Variants in CYP7B1 observed in about 807,000 individuals in gnomAD.
The protein encoded by CYP7B1 is cytochrome P450 family 7 subfamily B member 1, also known as cytochrome P450 7B1.
In CYP7B1, 29 loss-of-function variants were observed where a neutral mutation model predicts 42.7. The ratio of observed to expected loss-of-function variants is 0.68; its 90% CI spans 0.51 to 0.93. The LOEUF is 0.93. Ranked by LOEUF, CYP7B1 falls within the 40% of genes least tolerant of loss-of-function variation. CYP7B1 has a pLI of 0.00. For missense variants in CYP7B1, 655 were observed against 600.5 expected (o/e 1.09, Z -0.95); for synonymous variants, 235 against 218.2 (o/e 1.08, Z -0.68).
chr8:64,753,128 A>C (rs1807754721), intron 1 of CYP7B1, among the ~76,000 whole-genome samples: 1 of 152,248 alleles, frequency 6.6e-6, no homozygotes, highest in African/African-American at 2.4e-5. Context: ...AAGTACAAGA[A>C]TACAATGGTT....
At chr8:64,673,368 C>G (rs1398500539) in intron 1 of CYP7B1, among the ~76,000 whole-genome samples, 2 of 152,126 alleles carry the variant, frequency 1.3e-5, no homozygotes, top group African/African-American at 4.8e-5. Context: ...TTGCCTCCAA[C>G]CCTTTTTGGT....
chr8:64,609,038 C>T (rs1805327289), intron 4 of CYP7B1, among the ~76,000 whole-genome samples: 1 of 152,152 alleles, frequency 6.6e-6, no homozygotes, highest in Admixed American at 6.5e-5. Context: ...AGGAACACAG[C>T]ACATGGACTT....
chr8:64,797,368 A>G (rs560702084), intron 1 of CYP7B1, among the ~76,000 whole-genome samples: 10 of 152,196 alleles, frequency 6.6e-5, no homozygotes, highest in Non-Finnish European at 1.3e-4. Context: ...GACCCTGCAA[A>G]TAGAGAAGGT....
chr8:64,606,562 C>T (rs1433666157), intron 4 of CYP7B1, among the ~76,000 whole-genome samples: 3 of 152,248 alleles, frequency 2.0e-5, no homozygotes, highest in Non-Finnish European at 4.4e-5. Context: ...ATGGTCAAAT[C>T]TGATTGGCTG....
intron 1 of CYP7B1, among the ~76,000 whole-genome samples, chr8:64,631,479 G>A (rs147796042): frequency 1.3e-5 from 2 of 152,248 alleles, no homozygotes; most frequent in African/African-American, 4.8e-5. Flanking sequence ...AAGAAAATAT[G>A]AGGAAAGAGC....
intron 1 of CYP7B1, among the ~76,000 whole-genome samples, chr8:64,737,759 A>G (rs1807510919): frequency 6.6e-6 from 1 of 151,482 alleles, no homozygotes; most frequent in African/African-American, 2.4e-5. Context: ...AAATTTTTCT[A>G]TTTTTTTTCT....
At chr8:64,764,229 G>GCCCCCCCCC (rs59605103) in intron 1 of CYP7B1, among the ~76,000 whole-genome samples, 1 of 125,148 alleles carries the variant, frequency 8.0e-6, no homozygotes, top group Non-Finnish European at 1.7e-5. Context: ...CTTCCACGCT[G>GCCCCCCCCC]CCCCCCCCAC....
At chr8:64,597,521 T>G (rs997615235) in intron 5 of CYP7B1, among the ~76,000 whole-genome samples, 1 of 152,238 alleles carries the variant, frequency 6.6e-6, no homozygotes, top group Non-Finnish European at 1.5e-5. Flanking sequence ...TAATCTTGTT[T>G]GTTTTTTGAT....
At chr8:64,662,843 G>C (rs1248181664) in intron 1 of CYP7B1, among the ~76,000 whole-genome samples, 1 of 152,110 alleles carries the variant, frequency 6.6e-6, no homozygotes, top group Non-Finnish European at 1.5e-5. Flanking sequence ...GGCAGAAATG[G>C]GATTCCAACC....
intron 1 of CYP7B1, among the ~76,000 whole-genome samples, chr8:64,714,482 A>G (rs1191742368): frequency 6.6e-6 from 1 of 152,200 alleles, no homozygotes; most frequent in Non-Finnish European, 1.5e-5. Flanking sequence ...CCATATTTTA[A>G]AAGAAAACTA....
chr8:64,767,066 C>A (rs776304889), intron 1 of CYP7B1, among the ~76,000 whole-genome samples: 24 of 152,214 alleles, frequency 1.6e-4, no homozygotes, highest in Non-Finnish European at 2.8e-4. Context: ...GAAAGCCTCA[C>A]TCCTTTGTTA....
chr8:64,605,037 G>A (rs182197800), intron 4 of CYP7B1, among the ~76,000 whole-genome samples, 180 bp from the exon 5 acceptor site: 5 of 152,276 alleles, frequency 3.3e-5, no homozygotes, highest in East Asian at 3.9e-4. Context: ...GAGCAGGGGC[G>A]GTGGTCTGGC....
chr8:64,657,986 G>GGCC (rs1314076213), intron 1 of CYP7B1, among the ~76,000 whole-genome samples: 2 of 152,066 alleles, frequency 1.3e-5, no homozygotes, highest in African/African-American at 2.4e-5. Context: ...ATCGTGTAAG[G>GGCC]GCCTACTTTC....
At chr8:64,772,085 G>A (rs1044846398) in intron 1 of CYP7B1, among the ~76,000 whole-genome samples, 2 of 152,168 alleles carry the variant, frequency 1.3e-5, no homozygotes, top group African/African-American at 4.8e-5. Flanking sequence ...GAAGCAATCT[G>A]AAGAGAATTT....
At chr8:64,588,504 T>G (rs777638752), downstream of CYP7B1, among the ~76,000 whole-genome samples, 1 of 152,240 alleles carries the variant, frequency 6.6e-6, no homozygotes, top group Non-Finnish European at 1.5e-5. Context: ...TGTTTAGAGA[T>G]GAGAATTTAA....
chr8:64,693,934 T>G (rs1411288426), intron 1 of CYP7B1, among the ~76,000 whole-genome samples: 1 of 152,202 alleles, frequency 6.6e-6, no homozygotes, highest in Non-Finnish European at 1.5e-5. Flanking sequence ...ATCTGGCTAG[T>G]AAGTAGTGAC....
intron 1 of CYP7B1, among the ~76,000 whole-genome samples, chr8:64,664,475 C>G (rs996974474): frequency 1.3e-5 from 2 of 151,376 alleles, no homozygotes; most frequent in Non-Finnish European, 3.0e-5. Context: ...TCCTCTTTTA[C>G]AGAGAGAGAG....
At chr8:64,699,187 G>T (rs1288561826) in intron 1 of CYP7B1, among the ~76,000 whole-genome samples, 3 of 152,082 alleles carry the variant, frequency 2.0e-5, no homozygotes, top group African/African-American at 4.8e-5. Flanking sequence ...ATCTGTCAAG[G>T]CCTTCACAAA....
chr8:64,654,038 T>G (rs1244348933), intron 1 of CYP7B1, among the ~76,000 whole-genome samples: 1 of 152,124 alleles, frequency 6.6e-6, no homozygotes, highest in African/African-American at 2.4e-5. Flanking sequence ...ATAAGAGCCA[T>G]CTATGACCAA....
Sources: gnomAD v4.1 joint callset for allele counts (sites outside exome capture counted in the v4.1 genomes callset) on GRCh38, gnomAD v4.1.1 for gene constraint, MANE v1.5 for transcripts, NCBI Gene and HGNC (gene_info 2026-07-23, HGNC 2026-07-21) for gene names.